The following RFTN1 variants were observed in gnomAD, a reference collection of about 807,000 sequenced individuals.
RFTN1 encodes the protein raftlin.
Under a neutral mutation model 46.5 loss-of-function variants are expected in RFTN1, and 26 were observed. That is an observed-to-expected ratio of 0.56 (90% confidence interval 0.41 to 0.78). The LOEUF (loss-of-function observed/expected upper bound fraction) is 0.78, where lower values mean the gene tolerates loss of function less well. RFTN1 is among the 30% of genes least tolerant of loss of function. RFTN1 has a pLI of 0.00. For missense variants in RFTN1, 693 were observed against 718.7 expected (o/e 0.96, Z 0.41); for synonymous variants, 261 against 284.2 (o/e 0.92, Z 0.82).
chr3:16,420,456 C>T (rs1366558046), intron 3 of RFTN1, among the ~76,000 whole-genome samples: 2 of 152,228 alleles, frequency 1.3e-5, no homozygotes, highest in Non-Finnish European at 2.9e-5. Flanking sequence ...ATAATAGCTA[C>T]ATAGGAATGG....
chr3:16,450,781 C>CT lies in RFTN1; in HGVS notation c.146-16745dup, dbSNP rs545664310. Among the ~76,000 whole-genome samples the CT allele has an allele frequency of 1.7e-4, 26 of 150,000 alleles. No homozygotes were observed. Among genetic ancestry groups the CT allele is most frequent in the East Asian group, 5.9e-4 (3 of 5,128 alleles). Reference sequence around the variant, plus strand: ...ACCCTGTTCTCAAGTCTCTTTCTTTCTTTTTTTTTTCCATCATAAGAAAAC... The same window carrying CT: ...ACCCTGTTCTCAAGTCTCTTTCTTTCTTTTTTTTTTTCCATCATAAGAAAAC... On this transcript the variant is annotated intron_variant, in intron 2 of 9. Transcript: ENST00000334133. This position sits in a 1 kb window ranked among gnomAD's most constrained non-coding sequence, Gnocchi z 4.6.
chr3:16,357,126 A>C (rs1183924418), intron 7 of RFTN1, among the ~76,000 whole-genome samples: 6 of 80,696 alleles, frequency 7.4e-5, no homozygotes, highest in Admixed American at 5.0e-4. Context: ...AAAAAAAAAA[A>C]AACAAAAAAA....
At position 16,428,089 on chromosome 3, in the gene RFTN1, A is replaced by G. The variant is rs1334914085; in HGVS notation, c.332+5762T>C. Among the ~76,000 whole-genome samples the G allele has an allele frequency of 6.6e-6, 1 of 152,256 alleles. No homozygotes were observed. On this transcript the variant is annotated intron_variant, in intron 3 of 9. Transcript: ENST00000334133. This position sits in a 1 kb window ranked among gnomAD's most constrained non-coding sequence, Gnocchi z 4.7. ...AGGAGCTCCTTAGAGTCATCTTTGC[A>G]TAGTGAAATTACATATACATATTTA...
intron 4 of RFTN1, among the ~76,000 whole-genome samples, chr3:16,396,108 T>A (rs917673930): frequency 1.3e-5 from 2 of 152,052 alleles, no homozygotes; most frequent in African/African-American, 4.8e-5. Context: ...AGGAATAAAA[T>A]GCCATTTTTG....
rs1277648216 is a variant in RFTN1, at chr3:16,448,001, T to C, written c.146-13964A>G. On this transcript the variant is annotated intron_variant, in intron 2 of 9. Transcript: ENST00000334133. This position sits in a 1 kb window ranked among gnomAD's most constrained non-coding sequence, Gnocchi z 4.1. ...TTCTTTTCTCTCTTTTTTCTTTTCT[T>C]CCTCCCTTCCATCCAGGGAGCCACC... Among the ~76,000 whole-genome samples the C allele has an allele frequency of 6.6e-6, 1 of 152,014 alleles. No individual in the cohort carries two copies. The highest frequency in any genetic ancestry group is 6.6e-5 in the Admixed American group (1 of 15,258).
chr3:16,401,123 T>C (rs1183526713), intron 4 of RFTN1, among the ~76,000 whole-genome samples: 1 of 152,128 alleles, frequency 6.6e-6, no homozygotes, highest in Non-Finnish European at 1.5e-5. Context: ...ACCAACCTGG[T>C]AAAACCTTGT....
rs556826670 is a variant in RFTN1, at chr3:16,346,114, C to T, written c.1146+11818G>A. 6.6e-6 allele frequency: 1 copy of T among 152,194 alleles called. No homozygotes were observed. Among genetic ancestry groups the T allele is most frequent in the East Asian group, 1.9e-4 (1 of 5,164 alleles). 9.4% of individuals were successfully genotyped at this position (152,194 alleles called of 1,614,324 possible). A position where few individuals can be genotyped will look rare whatever the true frequency, so the allele number is the denominator to read the frequency against. On this transcript the variant is annotated intron_variant, in intron 7 of 9. Coordinates refer to ENST00000334133, the MANE Select transcript of RFTN1 (RefSeq NM_015150.2). The surrounding 1 kb of genome is among the most constrained non-coding windows in gnomAD (Gnocchi z 4.4). ...CTATGATTTAGGGTCTTCCAGCACC[C>T]CTCAGGAAGCTTGACAATGAAGAGG...
At chr3:16,333,761 A>T (rs1282921980) in intron 7 of RFTN1, among the ~76,000 whole-genome samples, 2 of 152,188 alleles carry the variant, frequency 1.3e-5, no homozygotes, top group African/African-American at 2.4e-5. Flanking sequence ...AAAAGAAAAA[A>T]TCCAATAATC....
rs1478199575 is a variant in RFTN1 at position 16,449,533 on chromosome 3, G to T, written c.146-15496C>A. On this transcript the variant is annotated intron_variant, in intron 2 of 9. Transcript: ENST00000334133. This position sits in a 1 kb window ranked among gnomAD's most constrained non-coding sequence, Gnocchi z 5.1. The stretch of plus-strand genomic sequence containing the variant: ...GGAACTGGTAACTCCTCCATACACG[G>T]GAGCTGCTAAAATCATTGTTGTTAT... 6.6e-6 allele frequency among the ~76,000 whole-genome samples: 1 copy of T among 152,176 alleles called. No individual in the cohort carries two copies. Among genetic ancestry groups the T allele is most frequent in the Non-Finnish European group, 1.5e-5 (1 of 68,040 alleles).
intron 2 of RFTN1, among the ~76,000 whole-genome samples, chr3:16,478,581 T>C (rs896183704): frequency 2.0e-5 from 3 of 152,356 alleles, no homozygotes; most frequent in Middle Eastern, 3.4e-3. Context: ...TCACAGTTTC[T>C]GTGAGTCAGG....
At chr3:16,395,460 T>A (rs1406697720) in intron 4 of RFTN1, among the ~76,000 whole-genome samples, 1 of 149,536 alleles carries the variant, frequency 6.7e-6, no homozygotes, top group Non-Finnish European at 1.5e-5. Flanking sequence ...TTTTTTTTTT[T>A]AAAGAGACAG....
intron 7 of RFTN1, among the ~76,000 whole-genome samples, chr3:16,350,968 C>G (rs1052226106): frequency 2.0e-5 from 3 of 152,158 alleles, no homozygotes; most frequent in Admixed American, 2.0e-4. Context: ...AGAGTGGATT[C>G]TTAAAGAGAT....
rs1288516196 is a variant in RFTN1, at chr3:16,338,518, C to T, written c.1147-11642G>A. 6.6e-6 allele frequency among the ~76,000 whole-genome samples: 1 copy of T among 152,254 alleles called. No homozygotes were observed. ...TGACATCTTAAACACACATTGAGTG[C>T]TTCAGGGTGAGGGGGTCCTCCCAGG... is the stretch of plus-strand genomic sequence containing the variant. On this transcript the variant is annotated intron_variant, in intron 7 of 9. Coordinates refer to ENST00000334133, the MANE Select transcript of RFTN1 (RefSeq NM_015150.2). This position sits in a 1 kb window ranked among gnomAD's most constrained non-coding sequence, Gnocchi z 5.3.
Position 16,383,637 on chromosome 3 carries a change from C to CAA in RFTN1, c.442-5536_442-5535insTT, listed in dbSNP as rs2074067621. Among the ~76,000 whole-genome samples, 1 of 151,952 alleles carries CAA rather than the reference C, an allele frequency of 6.6e-6. No homozygotes were observed. The highest frequency in any genetic ancestry group is 6.6e-5 in the Admixed American group (1 of 15,252). On this transcript the variant is annotated intron_variant, in intron 4 of 9. Coordinates refer to ENST00000334133, the MANE Select transcript of RFTN1 (RefSeq NM_015150.2). This position sits in a 1 kb window ranked among gnomAD's most constrained non-coding sequence, Gnocchi z 4.0. ...AATACCATGTTGCTAATGATAAGTG[C>CAA]GATATATACTCTATGTGCATGCGAA... is the stretch of plus-strand genomic sequence containing the variant.
Position 16,383,425 on chromosome 3 carries a change from C to T in RFTN1, c.442-5323G>A, listed in dbSNP as rs995549065. On this transcript the variant is annotated intron_variant, in intron 4 of 9. Coordinates refer to ENST00000334133, the MANE Select transcript of RFTN1 (RefSeq NM_015150.2). The surrounding 1 kb of genome is among the most constrained non-coding windows in gnomAD (Gnocchi z 4.0). ...TTGCTCTATAATAAGTAAGGACATG[C>T]TCCACTGTAACTATAATCAGGAATC... 1.3e-5 allele frequency among the ~76,000 whole-genome samples: 2 copies of T among 152,116 alleles called. No homozygotes were observed. Among genetic ancestry groups the T allele is most frequent in the African/African-American group, 2.4e-5 (1 of 41,400 alleles).
intron 7 of RFTN1, among the ~76,000 whole-genome samples, chr3:16,354,214 T>C (rs976173534): frequency 6.6e-6 from 1 of 152,190 alleles, no homozygotes; most frequent in African/African-American, 2.4e-5. Flanking sequence ...GGAGCTGTGA[T>C]AGGGTCATGC....
rs1368587070 is a variant in RFTN1, at chr3:16,353,601, C to T, written c.1146+4331G>A. On this transcript the variant is annotated intron_variant, in intron 7 of 9. Coordinates refer to ENST00000334133, the MANE Select transcript of RFTN1 (RefSeq NM_015150.2). The surrounding 1 kb of genome is among the most constrained non-coding windows in gnomAD (Gnocchi z 5.4). ...AAATGTTTTCTATCCTCCCACAATGCGTATGTTGAGGCTCCAAGCCCTAGT... is the reference window on the plus strand; with the variant it reads ...AAATGTTTTCTATCCTCCCACAATGTGTATGTTGAGGCTCCAAGCCCTAGT... Among the ~76,000 whole-genome samples, 3 of 152,138 alleles carry T rather than the reference C, an allele frequency of 2.0e-5. No individual in the cohort carries two copies. The highest frequency in any genetic ancestry group is 4.8e-5 in the African/African-American group (2 of 41,430).
intron 4 of RFTN1, among the ~76,000 whole-genome samples, chr3:16,406,491 G>C (rs569174396): frequency 1.3e-5 from 2 of 152,190 alleles, no homozygotes; most frequent in Non-Finnish European, 2.9e-5. Context: ...GGAACTCTGG[G>C]ATAGACATCT....
chr3:16,325,455 C>G (rs1220065649), intron 8 of RFTN1, among the ~76,000 whole-genome samples: 4 of 152,186 alleles, frequency 2.6e-5, no homozygotes, highest in African/African-American at 9.7e-5. Flanking sequence ...CCAGCTGGGC[C>G]TTCACATTCA....
Sources: allele counts gnomAD v4.1 joint callset (sites outside exome capture counted in the v4.1 genomes callset), GRCh38; gene constraint gnomAD v4.1.1; non-coding constraint Gnocchi (gnomAD v3.1); transcripts MANE v1.5; gene names NCBI Gene and HGNC (gene_info 2026-07-23, HGNC 2026-07-21).